Variants in VAV3 observed in about 807,000 individuals in gnomAD.
The protein encoded by VAV3 is guanine nucleotide exchange factor VAV3.
VAV3 carries 94 observed loss-of-function variants against 131.2 expected under a neutral mutation model. That is an observed-to-expected ratio of 0.72 (90% CI 0.61 to 0.85). VAV3 has a LOEUF of 0.85. VAV3 is among the 40% of genes least tolerant of loss of function. The pLI, the probability that VAV3 is intolerant of heterozygous loss-of-function variation, is 0.00. For synonymous variants in VAV3, 349 were observed against 342.0 expected, an observed-to-expected ratio of 1.02 and a Z score of -0.22; for missense variants, 939 against 1,002.7, an observed-to-expected ratio of 0.94 and a Z score of 0.86.
intron 15 of VAV3, among the ~76,000 whole-genome samples, chr1:107,727,399 C>T (rs1243208920): frequency 1.3e-5 from 2 of 152,192 alleles, no homozygotes; most frequent in African/African-American, 4.8e-5. Flanking sequence ...TCATCATTAA[C>T]ATTATTCTCA....
At chr1:107,637,109 T>C (rs1281979369) in intron 20 of VAV3, among the ~76,000 whole-genome samples, 3 of 152,010 alleles carry the variant, frequency 2.0e-5, no homozygotes, top group African/African-American at 4.8e-5. Context: ...CAAAAAGAGA[T>C]ACATTACTGA....
At chr1:107,609,674 C>T in intron 22 of VAV3, 1 of 390,680 alleles carries the variant, frequency 2.6e-6, no homozygotes, top group Non-Finnish European at 4.6e-6. Flanking sequence ...TGTTCCATTC[C>T]TTTCTGTGGC....
rs575874499 is a variant in VAV3 at position 107,688,540 on chromosome 1, G to A, written c.1706-134C>T. 2.0e-5 allele frequency: 31 copies of A among 1,533,776 alleles called. No individual in the cohort carries two copies. In the East Asian group the frequency reaches 5.4e-4, roughly 27 times the overall value. On this transcript the variant is annotated intron_variant, in intron 17 of 26. Transcript: ENST00000370056. ...CTGATACCTGTAATATATTTCCACG[G>A]TCCCTCAGGCTGGGCTAGTAATTAT...
intron 2 of VAV3, among the ~76,000 whole-genome samples, chr1:107,859,071 G>A (rs146577235): frequency 3.0e-4 from 42 of 138,094 alleles, no homozygotes; most frequent in African/African-American, 1.1e-3. Flanking sequence ...GATTCTTGAG[G>A]AGTTTTTTTT....
Position 107,661,140 on chromosome 1 carries a change from T to G in VAV3, c.1778-18385A>C, listed in dbSNP as rs560945843. ...TTTCCTTATATGGATTTTCTAAACT[T>G]TATGTAGTTAACTTTATAATATTAT... On this transcript the variant is annotated intron_variant, in intron 19 of 26. Coordinates refer to ENST00000370056, the MANE Select transcript of VAV3 (RefSeq NM_006113.5). Among the ~76,000 whole-genome samples, 6 of 152,282 alleles carry G rather than the reference T, an allele frequency of 3.9e-5. No homozygotes were observed. The East Asian group carries it at 1.2e-3, about 29-fold the overall frequency.
chr1:107,874,752 T>C, intron 2 of VAV3, 149 bp downstream of exon 2: 1 of 609,818 alleles, frequency 1.6e-6, no homozygotes, highest in Non-Finnish European at 2.8e-6. Context: ...TTTTGGTTTT[T>C]GGTTTTGCTA....
intron 1 of VAV3, among the ~76,000 whole-genome samples, chr1:107,948,129 A>G (rs1674359068): frequency 6.6e-6 from 1 of 152,218 alleles, no homozygotes; most frequent in Non-Finnish European, 1.5e-5. Flanking sequence ...ATTTTCATTA[A>G]TCATTTTTCA....
rs866685528 is a variant in VAV3 at position 107,583,508 on chromosome 1, C to T, written c.2351-9310G>A. ...ATGACATGATTGTATATCTAGAAAA[C>T]CCCACTGTCTCAGCCCAAAATCTCC... On this transcript the variant is annotated intron_variant, in intron 25 of 26. Transcript: ENST00000370056. Among the ~76,000 whole-genome samples, 272 of 152,214 alleles carry T rather than the reference C, an allele frequency of 1.8e-3. 2 individuals are homozygous for T. In the Middle Eastern group the frequency reaches 0.024, roughly 13 times the overall value.
intron 19 of VAV3, among the ~76,000 whole-genome samples, chr1:107,677,568 G>C (rs1658298519): frequency 6.6e-6 from 1 of 152,122 alleles, no homozygotes; most frequent in African/African-American, 2.4e-5. Context: ...GTTTATTGAT[G>C]ATAAATGTTC....
intron 15 of VAV3, among the ~76,000 whole-genome samples, chr1:107,744,152 C>T (rs552159842): frequency 6.6e-6 from 1 of 152,160 alleles, no homozygotes; most frequent in Non-Finnish European, 1.5e-5. Context: ...GTCCCAGAGT[C>T]CCTCCAGAGC....
At chr1:107,859,085 T>TG (rs938129135) in intron 2 of VAV3, among the ~76,000 whole-genome samples, 2 of 151,768 alleles carry the variant, frequency 1.3e-5, no homozygotes, top group African/African-American at 4.8e-5. Flanking sequence ...TTTTTTTTTT[T>TG]TTTCATTTTT....
At chr1:107,744,858 T>C (rs1663236743) in intron 15 of VAV3, among the ~76,000 whole-genome samples, 1 of 152,206 alleles carries the variant, frequency 6.6e-6, no homozygotes, top group African/African-American at 2.4e-5. Context: ...GAAACTCCTG[T>C]GAACTGAGAT....
rs547901649 is a variant in VAV3 at position 107,875,931 on chromosome 1, C to T, written c.205-914G>A. Among the ~76,000 whole-genome samples, 14 of 152,204 alleles carry T rather than the reference C, an allele frequency of 9.2e-5. No individual in the cohort carries two copies. The South Asian group carries it at 2.9e-3, about 32-fold the overall frequency. On this transcript the variant is annotated intron_variant, in intron 1 of 26. Coordinates refer to ENST00000370056, the MANE Select transcript of VAV3 (RefSeq NM_006113.5). ...GAGTCCAGGGGATAGGTGTGTACTT[C>T]AGACAGAAATATGGGAGTCTTTAGT... is the stretch of plus-strand genomic sequence containing the variant.
chr1:107,770,133 T>A (rs1237362518), intron 6 of VAV3, among the ~76,000 whole-genome samples: 1 of 152,144 alleles, frequency 6.6e-6, no homozygotes, highest in Non-Finnish European at 1.5e-5. Context: ...TTGAAGCACA[T>A]GCTGAACACT....
intron 1 of VAV3, among the ~76,000 whole-genome samples, chr1:107,940,954 TA>T (rs1214798725): frequency 6.6e-5 from 10 of 151,634 alleles, no homozygotes; most frequent in African/African-American, 2.4e-4. Flanking sequence ...TCAACATGGT[TA>T]AAATGGTAAG....
At chr1:107,782,982 C>A (rs1469006550) in intron 2 of VAV3, among the ~76,000 whole-genome samples, 5 of 152,188 alleles carry the variant, frequency 3.3e-5, no homozygotes, top group African/African-American at 1.2e-4. Context: ...TAGCTAGTAA[C>A]AATACCTGCA....
At chr1:107,580,384 C>A (rs1008477571) in intron 25 of VAV3, among the ~76,000 whole-genome samples, 1 of 152,168 alleles carries the variant, frequency 6.6e-6, no homozygotes, top group African/African-American at 2.4e-5. Flanking sequence ...TTCCTGAGCA[C>A]CACCATCTAT....
chr1:107,776,983 C>T (rs1050546012), intron 4 of VAV3, among the ~76,000 whole-genome samples: 1 of 152,156 alleles, frequency 6.6e-6, no homozygotes, highest in East Asian at 1.9e-4. Flanking sequence ...TCTGTTATGC[C>T]TTTGAGAAAC....
chr1:107,730,680 T>G (rs2101966736), intron 15 of VAV3, among the ~76,000 whole-genome samples: 1 of 152,340 alleles, frequency 6.6e-6, no homozygotes, highest in South Asian at 2.1e-4. Context: ...TATTTGATTT[T>G]ATAAAAATAT....
Sources: gnomAD v4.1 joint callset for allele counts (sites outside exome capture counted in the v4.1 genomes callset) on GRCh38, gnomAD v4.1.1 for gene constraint, MANE v1.5 for transcripts, NCBI Gene and HGNC (gene_info 2026-07-23, HGNC 2026-07-21) for gene names.